The following CASZ1 variants were observed in gnomAD, a reference collection of about 807,000 sequenced individuals.
The protein encoded by CASZ1 is zinc finger protein castor homolog 1.
Under a neutral mutation model 135.2 loss-of-function variants are expected in CASZ1, and 28 were observed. The ratio of observed to expected loss-of-function variants is 0.21; its 90% CI spans 0.15 to 0.28. CASZ1 has a LOEUF of 0.28. Among genes scored for constraint, CASZ1 ranks in the 10% least tolerant of loss-of-function variants. The pLI, the probability that CASZ1 is intolerant of heterozygous loss-of-function variation, is 1.00. For synonymous variants in CASZ1, 1,068 were observed against 1,073.4 expected, an observed-to-expected ratio of 0.99 and a Z score of 0.10; for missense variants, 2,161 against 2,453.3, an observed-to-expected ratio of 0.88 and a Z score of 2.52.
At chr1:10,763,898 T>C (rs980784150) in intron 1 of CASZ1, among the ~76,000 whole-genome samples, 3 of 152,222 alleles carry the variant, frequency 2.0e-5, no homozygotes, top group African/African-American at 7.2e-5. Flanking sequence ...AGTCTTGCTC[T>C]GTCACCCAGG....
At chr1:10,680,791 T>C (rs1331109965) in intron 4 of CASZ1, among the ~76,000 whole-genome samples, 1 of 152,218 alleles carries the variant, frequency 6.6e-6, no homozygotes, top group Non-Finnish European at 1.5e-5. Context: ...CAACAGGGAC[T>C]AGGAAGCGGG....
intron 4 of CASZ1, among the ~76,000 whole-genome samples, chr1:10,693,014 G>C (rs950325652): frequency 6.6e-6 from 1 of 152,188 alleles, no homozygotes; most frequent in African/African-American, 2.4e-5. Flanking sequence ...TGGGAAGCCC[G>C]CAAGAGCTGA....
intron 4 of CASZ1, among the ~76,000 whole-genome samples, chr1:10,671,385 A>G (rs1236867833): frequency 1.3e-5 from 2 of 152,162 alleles, no homozygotes; most frequent in African/African-American, 4.8e-5. Flanking sequence ...ACATGTGCAC[A>G]TGTGGAATCT....
rs1386868527 is a variant in CASZ1 at position 10,709,197 on chromosome 1, G to A, written c.-76-3653C>T. Among the ~76,000 whole-genome samples the A allele has an allele frequency of 3.3e-5, 5 of 152,120 alleles. No individual in the cohort carries two copies. Among genetic ancestry groups the A allele is most frequent in the African/African-American group, 1.2e-4 (5 of 41,424 alleles). ...TATGAAGCACCAGGCCAGGCTCCTC[G>A]GCCAGCACTCCTACCTGCTCCCCAG... On this transcript the variant is annotated intron_variant, in intron 2 of 20. Coordinates refer to ENST00000377022, the MANE Select transcript of CASZ1 (RefSeq NM_001079843.3). The surrounding 1 kb of genome is among the most constrained non-coding windows in gnomAD (Gnocchi z 5.1).
Position 10,776,479 on chromosome 1 carries a change from C to T in CASZ1, c.-233-15622G>A, listed in dbSNP as rs1460161650. ...CTCTCCCCTGCTTGTAATTGTCTCA[C>T]GTCTTGGCCTCTCAGTACTCGGCAA... On this transcript the variant is annotated intron_variant, in intron 1 of 20. Transcript: ENST00000377022. This position sits in a 1 kb window ranked among gnomAD's most constrained non-coding sequence, Gnocchi z 4.1. Among the ~76,000 whole-genome samples, 3 of 152,234 alleles carry T rather than the reference C, an allele frequency of 2.0e-5. No homozygotes were observed. The highest frequency in any genetic ancestry group is 6.5e-5 in the Admixed American group (1 of 15,282).
At chr1:10,737,372 C>CT (rs397781223) in intron 2 of CASZ1, among the ~76,000 whole-genome samples, 1 of 64,958 alleles carries the variant, frequency 1.5e-5, no homozygotes, top group Non-Finnish European at 3.5e-5. Flanking sequence ...CCTGGAGGGG[C>CT]CTTCAGAAGT....
In CASZ1 at chr1:10,711,977, T is replaced by A. The variant is rs1396225358; in HGVS notation, c.-76-6433A>T. Among the ~76,000 whole-genome samples the A allele has an allele frequency of 6.6e-6, 1 of 152,176 alleles. No homozygotes were observed. The highest frequency in any genetic ancestry group is 2.4e-5 in the African/African-American group (1 of 41,434). On this transcript the variant is annotated intron_variant, in intron 2 of 20. Transcript: ENST00000377022. This position sits in a 1 kb window ranked among gnomAD's most constrained non-coding sequence, Gnocchi z 4.4. ...GGTTCAGGGTTTCTGTCTGGAGTGA[T>A]GAAAAAGTTCTGGAACTAGCTTAAT...
intron 2 of CASZ1, among the ~76,000 whole-genome samples, chr1:10,753,039 A>AAAAAC (rs955210327): frequency 6.6e-5 from 10 of 152,252 alleles, no homozygotes; most frequent in Admixed American, 5.9e-4. Flanking sequence ...CTCCATCTCA[A>AAAAAC]AAAACAAAAC....
chr1:10,644,386 C>A (rs774667213), intron 18 of CASZ1, among the ~76,000 whole-genome samples: 2 of 152,072 alleles, frequency 1.3e-5, no homozygotes, highest in Non-Finnish European at 1.5e-5. Flanking sequence ...AGAACTTGAC[C>A]GTTCCCCATT....
At chr1:10,693,933 GGAAGACCGGGAGA>G in intron 3 of CASZ1, 21 bp from the exon 4 acceptor site, 1 of 1,610,544 alleles carries the variant, frequency 6.2e-7, no homozygotes, top group Non-Finnish European at 8.5e-7. Context: ...CGCCACCAGG[GGAAGACCGGGAGA>G]GAAGAAACAC....
intron 1 of CASZ1, among the ~76,000 whole-genome samples, chr1:10,772,124 G>C (rs534885958): frequency 1.3e-5 from 2 of 152,348 alleles, no homozygotes; most frequent in African/African-American, 4.8e-5. Context: ...AGGAAGGCTT[G>C]GGCTGTTGTG....
chr1:10,714,729 T>C (rs960861752), intron 2 of CASZ1, among the ~76,000 whole-genome samples: 1 of 152,222 alleles, frequency 6.6e-6, no homozygotes, highest in Non-Finnish European at 1.5e-5. Context: ...GGGCAGACTC[T>C]CTAATCAGGC....
chr1:10,728,298 G>A (rs531583544), intron 2 of CASZ1, among the ~76,000 whole-genome samples: 151 of 152,298 alleles, frequency 9.9e-4, no homozygotes, highest in Non-Finnish European at 1.4e-3. Flanking sequence ...AGGGCCCATG[G>A]GACCACCCTC....
rs59061093 is a variant in CASZ1, at chr1:10,700,415, G to A, written c.-24+5077C>T. Among the ~76,000 whole-genome samples, 2,858 of 152,324 alleles carry A rather than the reference G, an allele frequency of 0.019. 50 individuals are homozygous for A. The highest frequency in any genetic ancestry group is 0.1 in the South Asian group (501 of 4,822). ...GGAGGGGAGGCCCGCTGTCCTTATG[G>A]GAGGTGTGAGGTTTTCTATGTGGAG... On this transcript the variant is annotated intron_variant, in intron 3 of 20. Transcript: ENST00000377022. The surrounding 1 kb of genome is among the most constrained non-coding windows in gnomAD (Gnocchi z 4.2).
intron 1 of CASZ1, among the ~76,000 whole-genome samples, chr1:10,790,741 G>A (rs1737617): frequency 0.65 from 98,916 of 151,952 alleles, 33,806 homozygotes; most frequent in Non-Finnish European, 0.77. Context: ...TCTTTATCTC[G>A]TTCCCCCCTT....
At position 10,639,604 on chromosome 1, in the gene CASZ1, G is replaced by C; in HGVS notation, c.4618C>G (p.Gln1540Glu). 1 of 1,611,430 alleles carries C rather than the reference G, an allele frequency of 6.2e-7. No individual in the cohort carries two copies. The change falls in exon 21 of 21, where the codon CAG (glutamine) becomes GAG (glutamate). Residue 1540 changes from glutamine to glutamate, a missense_variant. By Grantham distance (29) the Gln-to-Glu change is conservative. Transcript: ENST00000377022. This position sits in a 1 kb window ranked among gnomAD's most constrained non-coding sequence, Gnocchi z 4.0. ...VTAHRKHHGK[Q>E]DVISAAGFCQ... is the part of the protein sequence containing the mutation. ...AAGCCCGCGGCGCTGATCACGTCCT[G>C]TTTGCCGTGGTGCTTGCGATGCGCC... is the stretch of plus-strand genomic sequence containing the variant.
rs74530928 is a variant in CASZ1 at position 10,755,615 on chromosome 1, G to C, written c.-77+5086C>G. Among the ~76,000 whole-genome samples, 1 of 152,156 alleles carries C rather than the reference G, an allele frequency of 6.6e-6. No homozygotes were observed. Among genetic ancestry groups the C allele is most frequent in the African/African-American group, 2.4e-5 (1 of 41,526 alleles). ...GGGCCCGTGCATGGCGAGATGCGGG[G>C]TTTTCCTGCATCTGCTCCGAAGGCA... On this transcript the variant is annotated intron_variant, in intron 2 of 20. Coordinates refer to ENST00000377022, the MANE Select transcript of CASZ1 (RefSeq NM_001079843.3). This position sits in a 1 kb window ranked among gnomAD's most constrained non-coding sequence, Gnocchi z 4.3.
chr1:10,780,439 G>C (rs1436987768), intron 1 of CASZ1, among the ~76,000 whole-genome samples: 1 of 152,122 alleles, frequency 6.6e-6, no homozygotes, highest in Non-Finnish European at 1.5e-5. Context: ...GCCAAAACCA[G>C]GTTTCCATTT....
At chr1:10,714,641 T>C (rs375949237) in intron 2 of CASZ1, among the ~76,000 whole-genome samples, 21 of 152,338 alleles carry the variant, frequency 1.4e-4, no homozygotes, top group African/African-American at 5.1e-4. Flanking sequence ...TCCCAGGATG[T>C]CAATTCTAAT....
Sources: allele counts gnomAD v4.1 joint callset (sites outside exome capture counted in the v4.1 genomes callset), GRCh38; gene constraint gnomAD v4.1.1; non-coding constraint Gnocchi (gnomAD v3.1); transcripts MANE v1.5; gene names NCBI Gene and HGNC (gene_info 2026-07-23, HGNC 2026-07-21).